CEP63: variants seen among roughly 807,000 people sequenced by gnomAD.
CEP63 encodes centrosomal protein 63.
CEP63 carries 84 observed loss-of-function variants against 89.1 expected under a neutral mutation model. The ratio of observed to expected loss-of-function variants is 0.94; its 90% confidence interval spans 0.79 to 1.13. The LOEUF (loss-of-function observed/expected upper bound fraction) is 1.13. CEP63 is among the 50% of genes most tolerant of loss of function. The pLI, the probability that CEP63 is intolerant of heterozygous loss-of-function variation, is 0.00. For synonymous variants in CEP63, 267 were observed against 272.5 expected, an observed-to-expected ratio of 0.98 and a Z score of 0.20; for missense variants, 838 against 813.3, an observed-to-expected ratio of 1.03 and a Z score of -0.37.
chr3:134,575,472 TCTCC>T (rs1306746763), downstream of CEP63, among the ~76,000 whole-genome samples: 30 of 117,756 alleles, frequency 2.5e-4, 2 homozygotes, highest in African/African-American at 7.9e-4. Context: ...TGGCCCTCTT[TCTCC>T]CTCCCTCCCT....
the CEP63 span, among the ~76,000 whole-genome samples, chr3:134,725,948 C>T: frequency 1.3e-4 from 20 of 152,112 alleles, no homozygotes; most frequent in Non-Finnish European, 1.9e-4. Context: ...CCCTGAAGGA[C>T]GGGAGTCTGT....
At chr3:134,733,558 C>T in the CEP63 span, among the ~76,000 whole-genome samples, 3 of 152,124 alleles carry the variant, frequency 2.0e-5, no homozygotes, top group Non-Finnish European at 4.4e-5. Context: ...AGGGTGGGCC[C>T]TTAACCCAAT....
chr3:134,486,213 G>A lies in CEP63; in HGVS notation c.-26+11G>A. ...CAGCGCCGGCCCGAGGTAACGGCGG[G>A]AAGGCTCAGGGGCGTGCTTGCGGCA... On this transcript the variant is annotated intron_variant, in intron 1 of 14. Coordinates refer to ENST00000675561, the MANE Select transcript of CEP63 (RefSeq NM_001353108.3). The A allele has an allele frequency of 1.0e-6, 1 of 985,506 alleles. No individual in the cohort carries two copies. Among genetic ancestry groups the A allele is most frequent in the Non-Finnish European group, 1.2e-6 (1 of 829,970 alleles). 61.0% of individuals were successfully genotyped at this position (985,506 alleles called of 1,614,324 possible).
chr3:134,539,555 CTT>C, intron 6 of CEP63, among the ~76,000 whole-genome samples: 1 of 152,168 alleles, frequency 6.6e-6, no homozygotes, highest in Admixed American at 6.5e-5. Context: ...AGAAAACTAT[CTT>C]TTTACAATTG....
chr3:134,616,208 A>G, the CEP63 span, among the ~76,000 whole-genome samples: 1 of 152,250 alleles, frequency 6.6e-6, no homozygotes, highest in Non-Finnish European at 1.5e-5. Flanking sequence ...AGCAGTTACA[A>G]GCTATAGCAT....
intron 3 of CEP63, among the ~76,000 whole-genome samples, chr3:134,512,266 T>C (rs1162862371): frequency 1.3e-5 from 2 of 152,222 alleles, no homozygotes; most frequent in African/African-American, 4.8e-5. Flanking sequence ...ATCACTAATA[T>C]AAGCAACTTG....
At chr3:134,607,648 C>G in the CEP63 span, 1 of 985,650 alleles carries the variant, frequency 1.0e-6, no homozygotes, top group South Asian at 4.7e-5. Context: ...CAGAGAAGGC[C>G]CTGCTTTTTT....
chr3:134,755,113 G>A, the CEP63 span, among the ~76,000 whole-genome samples: 8 of 152,312 alleles, frequency 5.3e-5, no homozygotes, highest in African/African-American at 1.4e-4. Context: ...AGGGTGCTGG[G>A]CCATGTTGTC....
intron 3 of CEP63, among the ~76,000 whole-genome samples, chr3:134,526,268 T>C (rs1376767518): frequency 6.6e-6 from 1 of 152,198 alleles, no homozygotes; most frequent in Non-Finnish European, 1.5e-5. Flanking sequence ...TGGCATGTTT[T>C]TCAGCTCTAT....
chr3:134,707,417 A>G, the CEP63 span, among the ~76,000 whole-genome samples: 1 of 152,338 alleles, frequency 6.6e-6, no homozygotes, highest in Non-Finnish European at 1.5e-5. Flanking sequence ...GGGCTACACA[A>G]TCCTAACTGA....
At position 134,547,381 on chromosome 3, in the gene CEP63, CA is replaced by C; in HGVS notation, c.977del (p.Gln326ArgfsTer4). 6.2e-7 allele frequency: 1 copy of C among 1,613,542 alleles called. No individual in the cohort carries two copies. On this transcript the variant is annotated frameshift_variant, in exon 9 of 15. Transcript: ENST00000675561. LOFTEE classifies it high-confidence loss of function. The part of the protein sequence containing the change: ...LAEKKYTSQG[Q>X]GDLDSVLSQL... Reference sequence around the variant, plus strand: ...AGAAAAGAAGTACACCTCTCAAGGGCAGGGGGACTTAGACAGTGTGCTCTCC... The same window carrying C: ...AGAAAAGAAGTACACCTCTCAAGGGCGGGGGACTTAGACAGTGTGCTCTCC...
At chr3:134,751,728 G>A in the CEP63 span, among the ~76,000 whole-genome samples, 2 of 152,202 alleles carry the variant, frequency 1.3e-5, no homozygotes, top group African/African-American at 2.4e-5. Context: ...GCTAGAGACC[G>A]AAGTGGCTCA....
chr3:134,652,661 C>T, the CEP63 span, among the ~76,000 whole-genome samples: 22 of 152,192 alleles, frequency 1.4e-4, no homozygotes, highest in South Asian at 4.1e-4. Flanking sequence ...CACACACGCG[C>T]GCGCGCACAC....
At chr3:134,541,012 C>T (rs756751979) in intron 6 of CEP63, among the ~76,000 whole-genome samples, 1 of 152,050 alleles carries the variant, frequency 6.6e-6, no homozygotes, top group Non-Finnish European at 1.5e-5. Context: ...GAACTCCAGA[C>T]CTCAAGTGAT....
the CEP63 span, among the ~76,000 whole-genome samples, chr3:134,739,202 GTAT>G: frequency 6.6e-6 from 1 of 152,164 alleles, no homozygotes; most frequent in East Asian, 1.9e-4. Context: ...GTTCATAGCA[GTAT>G]TATTGATAGT....
At chr3:134,697,684 A>G in the CEP63 span, among the ~76,000 whole-genome samples, 1 of 152,170 alleles carries the variant, frequency 6.6e-6, no homozygotes, top group Admixed American at 6.5e-5. Context: ...GCCTCAGCTT[A>G]TGGGCGGCAG....
chr3:134,627,343 G>A, the CEP63 span, among the ~76,000 whole-genome samples: 1 of 152,102 alleles, frequency 6.6e-6, no homozygotes, highest in South Asian at 2.1e-4. Flanking sequence ...CAAATGAAGG[G>A]CAAAAGCAGG....
the CEP63 span, among the ~76,000 whole-genome samples, chr3:134,772,510 C>T: frequency 2.6e-5 from 4 of 151,998 alleles, no homozygotes; most frequent in Admixed American, 2.6e-4. Flanking sequence ...CTCTTCCCCT[C>T]CCCTCTTCTC....
chr3:134,751,945 G>A, the CEP63 span, among the ~76,000 whole-genome samples: 1 of 152,264 alleles, frequency 6.6e-6, no homozygotes, highest in East Asian at 1.9e-4. Context: ...TATTGGAGTT[G>A]TGTTTCTGGC....
Sources: gnomAD v4.1 joint callset for allele counts (sites outside exome capture counted in the v4.1 genomes callset) on GRCh38, gnomAD v4.1.1 for gene constraint, MANE v1.5 for transcripts, NCBI Gene and HGNC (gene_info 2026-07-23, HGNC 2026-07-21) for gene names.